The following CTNND2 variants were observed in gnomAD, a reference collection of about 807,000 sequenced individuals.
The protein encoded by CTNND2 is catenin delta-2.
In CTNND2, 22 loss-of-function variants were observed where a neutral mutation model predicts 144.4. The ratio of observed to expected loss-of-function variants is 0.15; its 90% CI spans 0.11 to 0.22. CTNND2 has a LOEUF of 0.22. Ranked by LOEUF, CTNND2 falls within the 10% of genes least tolerant of loss-of-function variation. The probability of loss-of-function intolerance (pLI) is 1.00; values close to 1 mark genes in which losing one functional copy is unlikely to be tolerated. For synonymous variants in CTNND2, 751 were observed against 695.6 expected (o/e 1.08, Z -1.25); for missense variants, 1,353 against 1,618.8 (o/e 0.84, Z 2.82).
rs371114299 is a variant in CTNND2, at chr5:11,040,170, C to T, written c.2789-17191G>A. 8.6e-5 allele frequency among the ~76,000 whole-genome samples: 13 copies of T among 152,040 alleles called. No homozygotes were observed. In the South Asian group the frequency reaches 1.5e-3, roughly 17 times the overall value. On this transcript the variant is annotated intron_variant, in intron 16 of 21. Coordinates refer to ENST00000304623, the MANE Select transcript of CTNND2 (RefSeq NM_001332.4). ...CTGAGGCAGGAGAATTGTTTGAACCCGGGAGGTGGAGGTTGCAGTGAGCTG... is the reference window on the plus strand; with the variant it reads ...CTGAGGCAGGAGAATTGTTTGAACCTGGGAGGTGGAGGTTGCAGTGAGCTG...
intron 9 of CTNND2, among the ~76,000 whole-genome samples, chr5:11,243,047 A>G (rs975833964): frequency 1.5e-4 from 23 of 152,236 alleles, no homozygotes; most frequent in African/African-American, 5.3e-4. Flanking sequence ...TCTATGTAAT[A>G]CCGCTGAAGG....
intron 1 of CTNND2, among the ~76,000 whole-genome samples, chr5:11,755,963 G>A (rs1352988959): frequency 6.6e-6 from 1 of 151,576 alleles, no homozygotes; most frequent in Admixed American, 6.6e-5. Flanking sequence ...TTAGCCTGGT[G>A]AAGAACCATT....
At chr5:11,812,047 A>G (rs1792362563) in intron 1 of CTNND2, among the ~76,000 whole-genome samples, 1 of 152,258 alleles carries the variant, frequency 6.6e-6, no homozygotes, top group African/African-American at 2.4e-5. Context: ...TCAAATATTT[A>G]TTAACTTTCT....
At chr5:11,494,902 C>T (rs939493629) in intron 3 of CTNND2, among the ~76,000 whole-genome samples, 1 of 152,146 alleles carries the variant, frequency 6.6e-6, no homozygotes, top group Non-Finnish European at 1.5e-5. Context: ...TCTCAGTATT[C>T]CATTCAGACT....
chr5:11,458,492 G>GAAA (rs1765923314), intron 3 of CTNND2, among the ~76,000 whole-genome samples: 1 of 152,188 alleles, frequency 6.6e-6, no homozygotes, highest in South Asian at 2.1e-4. Context: ...ACTTTCAGGT[G>GAAA]GACCCTTGAG....
intron 10 of CTNND2, among the ~76,000 whole-genome samples, chr5:11,213,227 A>G (rs998586475): frequency 5.3e-5 from 8 of 152,078 alleles, no homozygotes; most frequent in African/African-American, 7.2e-5. Context: ...TTCTGTGTTT[A>G]GCTCGGCCTC....
chr5:11,157,140 A>G (rs1758295486), intron 12 of CTNND2, among the ~76,000 whole-genome samples: 2 of 152,292 alleles, frequency 1.3e-5, no homozygotes, highest in Middle Eastern at 6.8e-3. Flanking sequence ...AATCAACAAC[A>G]TATCTGAAGT....
intron 9 of CTNND2, among the ~76,000 whole-genome samples, chr5:11,271,732 G>A (rs1580762339): frequency 6.6e-6 from 1 of 152,258 alleles, no homozygotes; most frequent in East Asian, 1.9e-4. Flanking sequence ...TGCAAATTTG[G>A]CTCCAATTAC....
intron 7 of CTNND2, among the ~76,000 whole-genome samples, chr5:11,376,322 G>GTTCATGTATC (rs1554044766): frequency 2.1e-5 from 3 of 146,080 alleles, no homozygotes; most frequent in African/African-American, 7.9e-5. Context: ...TTGTGTGTGT[G>GTTCATGTATC]TGTGTGTGTG....
chr5:11,614,781 A>G (rs772608477), intron 2 of CTNND2, among the ~76,000 whole-genome samples: 5 of 152,188 alleles, frequency 3.3e-5, no homozygotes, highest in Non-Finnish European at 7.3e-5. Flanking sequence ...CATACACTTG[A>G]GAGTCCAGAC....
At chr5:11,417,006 T>A (rs1581149248) in intron 3 of CTNND2, among the ~76,000 whole-genome samples, 1 of 152,140 alleles carries the variant, frequency 6.6e-6, no homozygotes, top group African/African-American at 2.4e-5. Context: ...CATAAAGACA[T>A]CAGTGATGCT....
intron 12 of CTNND2, among the ~76,000 whole-genome samples, chr5:11,123,235 A>G (rs1450555645): frequency 6.6e-6 from 1 of 152,046 alleles, no homozygotes; most frequent in Non-Finnish European, 1.5e-5. Context: ...GGTAGGGGGG[A>G]GCATCATCTT....
chr5:11,871,611 T>C (rs924381118), intron 1 of CTNND2, among the ~76,000 whole-genome samples: 37 of 152,230 alleles, frequency 2.4e-4, no homozygotes, highest in African/African-American at 8.2e-4. Context: ...GGAATTTAAC[T>C]GAGAGTTTAC....
At chr5:11,621,451 A>G (rs1009376047) in intron 2 of CTNND2, among the ~76,000 whole-genome samples, 7 of 152,076 alleles carry the variant, frequency 4.6e-5, no homozygotes, top group Non-Finnish European at 8.8e-5. Context: ...CATTTATATT[A>G]TATTAGAGGT....
At chr5:11,629,443 A>C (rs1164376875) in intron 2 of CTNND2, among the ~76,000 whole-genome samples, 1 of 152,180 alleles carries the variant, frequency 6.6e-6, no homozygotes, top group Non-Finnish European at 1.5e-5. Flanking sequence ...CCAGGTCACT[A>C]AAAGTGATAA....
At chr5:11,273,555 G>A (rs1244658681) in intron 9 of CTNND2, among the ~76,000 whole-genome samples, 1 of 152,092 alleles carries the variant, frequency 6.6e-6, no homozygotes, top group Non-Finnish European at 1.5e-5. Context: ...TGGGCTTTTC[G>A]GTCACTGAAA....
intron 3 of CTNND2, among the ~76,000 whole-genome samples, chr5:11,477,820 T>G (rs1767898375): frequency 6.6e-6 from 1 of 152,226 alleles, no homozygotes; most frequent in Non-Finnish European, 1.5e-5. Flanking sequence ...GCATCCATGT[T>G]TCCTTAGAAA....
In CTNND2 at chr5:11,536,307, T is replaced by G. The variant is rs936167939; in HGVS notation, c.287+28637A>C. ...TGGAATCCCTGGCCTCAAGCAATCC[T>G]CCTACCTAGGCCTCCCAAATTGCTG... On this transcript the variant is annotated intron_variant, in intron 3 of 21. Transcript: ENST00000304623. Among the ~76,000 whole-genome samples the G allele has an allele frequency of 7.2e-5, 11 of 152,224 alleles. No homozygotes were observed. The East Asian group carries it at 2.1e-3, about 29-fold the overall frequency.
chr5:11,468,074 G>A (rs1198158061), intron 3 of CTNND2, among the ~76,000 whole-genome samples: 2 of 152,198 alleles, frequency 1.3e-5, no homozygotes, highest in African/African-American at 4.8e-5. Context: ...CAATCTGCAA[G>A]TGTTACTGTA....
Sources: gnomAD v4.1 joint callset for allele counts (sites outside exome capture counted in the v4.1 genomes callset) on GRCh38, gnomAD v4.1.1 for gene constraint, MANE v1.5 for transcripts, NCBI Gene and HGNC (gene_info 2026-07-23, HGNC 2026-07-21) for gene names.